The following WDFY3 variants were observed in gnomAD, a reference collection of about 807,000 sequenced individuals.
WDFY3 encodes the protein WD repeat and FYVE domain-containing protein 3.
WDFY3 carries 66 observed loss-of-function variants against 409.6 expected under a neutral mutation model. That is an observed-to-expected ratio of 0.16 (90% CI 0.13 to 0.20). The LOEUF (loss-of-function observed/expected upper bound fraction) is 0.20, where lower values mean the gene tolerates loss of function less well. Ranked by LOEUF, WDFY3 falls within the 10% of genes least tolerant of loss-of-function variation. WDFY3 has a pLI of 1.00. For missense variants in WDFY3, 3,031 were observed against 4,298.1 expected (o/e 0.71, Z 8.24); for synonymous variants, 1,521 against 1,537.1 (o/e 0.99, Z 0.25).
intron 7 of WDFY3, among the ~76,000 whole-genome samples, chr4:84,832,178 C>A (rs1026317862): frequency 1.3e-5 from 2 of 151,980 alleles, no homozygotes; most frequent in Non-Finnish European, 2.9e-5. Flanking sequence ...GAAATTTTGT[C>A]ATTAAAGGCA....
At chr4:84,828,127 T>G (rs941361825) in intron 9 of WDFY3, among the ~76,000 whole-genome samples, 4 of 151,812 alleles carry the variant, frequency 2.6e-5, no homozygotes, top group African/African-American at 9.7e-5. Context: ...GGGAGACAAG[T>G]AAGTTTACAA....
Position 84,702,510 on chromosome 4 carries a change from T to C in WDFY3, c.8443-4A>G, listed in dbSNP as rs761774057. 7 of 1,600,450 alleles carry C rather than the reference T, an allele frequency of 4.4e-6. No homozygotes were observed. Among genetic ancestry groups the C allele is most frequent in the Non-Finnish European group, 6.0e-6 (7 of 1,174,938 alleles). On this transcript the variant is annotated splice_polypyrimidine_tract_variant and splice_region_variant and intron_variant, in intron 55 of 67. Transcript: ENST00000295888. ...CAGCCAGGTCAAAGTGGCCACCCTGTGGGCAGAATAAGACACCTCTCTATT... is the reference window on the plus strand; with the variant it reads ...CAGCCAGGTCAAAGTGGCCACCCTGCGGGCAGAATAAGACACCTCTCTATT...
At chr4:84,847,976 A>G (rs1175351644) in intron 5 of WDFY3, among the ~76,000 whole-genome samples, 1 of 151,670 alleles carries the variant, frequency 6.6e-6, no homozygotes, top group Non-Finnish European at 1.5e-5. Context: ...AAAATTGAGG[A>G]GTTCTCTTAG....
chr4:84,954,648 CAT>C (rs1480287354), intron 1 of WDFY3, among the ~76,000 whole-genome samples: 3 of 152,150 alleles, frequency 2.0e-5, no homozygotes, highest in Admixed American at 6.5e-5. Flanking sequence ...AATTTTCTGA[CAT>C]GTTTACTGTC....
chr4:84,933,913 T>G (rs985610907), intron 1 of WDFY3, among the ~76,000 whole-genome samples: 3 of 152,152 alleles, frequency 2.0e-5, no homozygotes, highest in Admixed American at 2.0e-4. Flanking sequence ...AATTTCTTTA[T>G]CCATTTGTCT....
intron 32 of WDFY3, among the ~76,000 whole-genome samples, chr4:84,760,757 C>T (rs1449439617): frequency 5.8e-4 from 86 of 147,322 alleles, no homozygotes; most frequent in Non-Finnish European, 1.2e-3. Flanking sequence ...AAAAAACCAG[C>T]TCCTGGATTC....
chr4:84,750,471 A>C (rs1053984487), intron 36 of WDFY3, among the ~76,000 whole-genome samples: 1 of 147,450 alleles, frequency 6.8e-6, no homozygotes, highest in Non-Finnish European at 1.5e-5. Flanking sequence ...AGGGAGCACA[A>C]AAAAAAAAAA....
chr4:84,852,202 A>G (rs1210361316), intron 4 of WDFY3, among the ~76,000 whole-genome samples: 1 of 152,236 alleles, frequency 6.6e-6, no homozygotes, highest in Non-Finnish European at 1.5e-5. Flanking sequence ...TGAGGCTGCT[A>G]CTAAGTGACT....
At chr4:84,775,173 T>TA (rs747492745) in intron 27 of WDFY3, 35 bp from the exon 28 acceptor site, 44 of 1,585,938 alleles carry the variant, frequency 2.8e-5, no homozygotes, top group Middle Eastern at 2.2e-4. Flanking sequence ...TATTTAAGGT[T>TA]AAAAAAAATG....
chr4:84,818,143 T>C (rs187373431), intron 12 of WDFY3, among the ~76,000 whole-genome samples: 1 of 152,328 alleles, frequency 6.6e-6, no homozygotes, highest in East Asian at 1.9e-4. Context: ...ACTTACTTAA[T>C]ACTCATCCCC....
intron 46 of WDFY3, 36 bp downstream of exon 46, chr4:84,724,390 A>AATCAC (rs1173118989): frequency 1.3e-6 from 2 of 1,567,282 alleles, no homozygotes; most frequent in Admixed American, 1.9e-5. Flanking sequence ...AATGTTCCAA[A>AATCAC]ATCACTTTTA....
At chr4:84,783,177 C>T in intron 24 of WDFY3, 103 bp from the exon 25 acceptor site, 1 of 1,044,206 alleles carries the variant, frequency 9.6e-7, no homozygotes, top group East Asian at 2.5e-5. Context: ...TCTTTTCTCT[C>T]CTCCCTTATC....
intron 34 of WDFY3, 133 bp from the exon 35 acceptor site, chr4:84,754,009 T>C (rs1740984666): frequency 2.0e-6 from 2 of 1,001,900 alleles, no homozygotes; most frequent in Non-Finnish European, 2.7e-6. Context: ...AAACCACACA[T>C]ATGAGCAAAC....
At chr4:84,720,390 A>G (rs75972083) in intron 47 of WDFY3, among the ~76,000 whole-genome samples, 152 of 152,322 alleles carry the variant, frequency 1.0e-3, no homozygotes, top group African/African-American at 3.5e-3. Context: ...AAGGTTATGC[A>G]AGTAAAAGGA....
chr4:84,740,164 C>T, intron 39 of WDFY3, 23 bp downstream of exon 39: 2 of 1,611,070 alleles, frequency 1.2e-6, no homozygotes, highest in East Asian at 2.2e-5. Flanking sequence ...TTTAACATGG[C>T]AAACTGAACC....
chr4:84,774,501 G>C (rs1361074445), intron 29 of WDFY3, among the ~76,000 whole-genome samples: 3 of 152,200 alleles, frequency 2.0e-5, no homozygotes, highest in African/African-American at 7.2e-5. Context: ...TTAAAAATTA[G>C]CAGGGCTTGG....
chr4:84,696,659 G>C, intron 57 of WDFY3, 73 bp downstream of exon 57: 1 of 1,464,954 alleles, frequency 6.8e-7, no homozygotes, highest in Non-Finnish European at 9.5e-7. Context: ...ACTCTGGCTA[G>C]AGGCCCTGTC....
chr4:84,784,875 TA>T (rs1388581203), intron 24 of WDFY3, among the ~76,000 whole-genome samples: 2 of 76,408 alleles, frequency 2.6e-5, no homozygotes, highest in African/African-American at 9.7e-5. Context: ...TATATATATA[TA>T]TATATATATA....
intron 23 of WDFY3, 64 bp from the exon 24 acceptor site, chr4:84,786,203 A>G: frequency 1.4e-6 from 2 of 1,468,924 alleles, no homozygotes; most frequent in Non-Finnish European, 1.8e-6. Context: ...TAAGTTTTTT[A>G]TTCTTACTAT....
Sources: gnomAD v4.1 joint callset for allele counts (sites outside exome capture counted in the v4.1 genomes callset) on GRCh38, gnomAD v4.1.1 for gene constraint, MANE v1.5 for transcripts, NCBI Gene and HGNC (gene_info 2026-07-23, HGNC 2026-07-21) for gene names.